LY6E: variants seen among roughly 807,000 people sequenced by gnomAD.
The protein encoded by LY6E is lymphocyte antigen 6 family member E.
A neutral mutation model predicts 7.7 loss-of-function variants in LY6E; 4 were observed. That is an observed-to-expected ratio of 0.52 (90% CI 0.25 to 1.18). The LOEUF is 1.18. Ranked by LOEUF, LY6E falls within the 50% of genes most tolerant of loss-of-function variation. LY6E has a pLI of 0.14. For missense variants in LY6E, 156 were observed against 168.0 expected (o/e 0.93, Z 0.40); for synonymous variants, 81 against 80.1 (o/e 1.01, Z -0.06).
Position 143,021,315 on chromosome 8 carries a change from C to T in LY6E, c.54C>T (p.Ala18=), listed in dbSNP as rs1424934089. The T allele has an allele frequency of 6.2e-7, 1 of 1,613,274 alleles. No individual in the cohort carries two copies. Among genetic ancestry groups the T allele is most frequent in the Non-Finnish European group, 8.5e-7 (1 of 1,179,866 alleles). The part of the protein sequence containing the change: ...LLAALLGVER[A]SSLMCFSCLN... ...GACAGGTGTGTCCTCCTTCCGCAGC[C>T]AGCTCGCTGATGTGCTTCTCCTGCT... Residue 18 remains alanine (A), a splice_region_variant and synonymous_variant, in exon 3 of 4, where the codon GCC becomes GCT. Coordinates refer to ENST00000292494, the MANE Select transcript of LY6E (RefSeq NM_002346.3).
At position 143,021,812 on chromosome 8, in the gene LY6E, T is replaced by TC. The variant is rs900668174; in HGVS notation, c.*28dup. The TC allele has an allele frequency of 1.3e-6, 2 of 1,569,950 alleles. No homozygotes were observed. Among genetic ancestry groups the TC allele is most frequent in the African/African-American group, 2.7e-5 (2 of 74,158 alleles). On this transcript the variant is annotated 3_prime_UTR_variant, in exon 4 of 4. Coordinates refer to ENST00000292494, the MANE Select transcript of LY6E (RefSeq NM_002346.3). ...TGACCGCCCAGACCCTGTCCCCCGA[T>TC]CCCCCAGCTCAGGAAGGAAAGCCCA...
In LY6E at chr8:143,020,926, C is replaced by A; in HGVS notation, c.-14C>A. On this transcript the variant is annotated 5_prime_UTR_variant, in exon 2 of 4. Coordinates refer to ENST00000292494, the MANE Select transcript of LY6E (RefSeq NM_002346.3). Reference sequence around the variant, plus strand: ...GGTTTGTGACCTCCAGGCAGGACGGCCATCCTCTCCAGAATGAAGATCTTC... The same window carrying A: ...GGTTTGTGACCTCCAGGCAGGACGGACATCCTCTCCAGAATGAAGATCTTC... The A allele has an allele frequency of 2.5e-6, 4 of 1,613,564 alleles. No homozygotes were observed. Among genetic ancestry groups the A allele is most frequent in the Non-Finnish European group, 3.4e-6 (4 of 1,179,728 alleles).
Position 143,021,552 on chromosome 8 carries a change from C to A in LY6E, c.173-14C>A, listed in dbSNP as rs200177123. On this transcript the variant is annotated splice_polypyrimidine_tract_variant and intron_variant, in intron 3 of 3. Coordinates refer to ENST00000292494, the MANE Select transcript of LY6E (RefSeq NM_002346.3). ...CCGTCTGTCTCTCCCCTGACAGCCT[C>A]ATTTCCCATGCAGGGAATCTCGTGA... 5.0e-6 allele frequency: 8 copies of A among 1,613,356 alleles called. No homozygotes were observed. The East Asian group carries it at 1.6e-4, about 31-fold the overall frequency.
chr8:143,021,572 T>C lies in LY6E; in HGVS notation c.179T>C (p.Leu60Pro). ...TVSASAGIGN[L>P]VTFGHSLSKT... ...AGCCTCATTTCCCATGCAGGGAATC[T>C]CGTGACATTTGGCCACAGCCTGAGC... Residue 60 changes from leucine (L) to proline (P), a missense_variant, in exon 4 of 4, where the codon CTC becomes CCC. Physicochemically the swap from Leu to Pro is moderately conservative, Grantham distance 98 (BLOSUM62 -3). Transcript: ENST00000292494. The C allele has an allele frequency of 6.2e-7, 1 of 1,613,928 alleles. No homozygotes were observed. Among genetic ancestry groups the C allele is most frequent in the South Asian group, 1.1e-5 (1 of 91,086 alleles).
At chr8:143,021,188 A>T in intron 2 of LY6E, 126 bp from the exon 3 acceptor site, 1 of 1,382,932 alleles carries the variant, frequency 7.2e-7, no homozygotes, top group African/African-American at 1.4e-5. Context: ...GTGGGGTGTC[A>T]CTGTCTTTGC....
chr8:143,019,533 G>C (rs1285236040), intron 1 of LY6E, among the ~76,000 whole-genome samples: 1 of 152,198 alleles, frequency 6.6e-6, no homozygotes, highest in African/African-American at 2.4e-5. Flanking sequence ...GGGGGTGGGG[G>C]GAAAAGGAAT....
chr8:143,021,850 TC>T lies in LY6E; in HGVS notation c.*64del. The T allele has an allele frequency of 6.8e-7, 1 of 1,469,988 alleles. No individual in the cohort carries two copies. 91.1% of individuals were successfully genotyped at this position (1,469,988 alleles called of 1,614,324 possible). On this transcript the variant is annotated 3_prime_UTR_variant, in exon 4 of 4. Coordinates refer to ENST00000292494, the MANE Select transcript of LY6E (RefSeq NM_002346.3). ...GAAGGAAAGCCCAGCCCTTTCTGGA[TC>T]CCACAGTGTATGGGAGCCCCTGACT...
In LY6E at chr8:143,020,877, C is replaced by T; in HGVS notation, c.-57-6C>T. On this transcript the variant is annotated splice_polypyrimidine_tract_variant and splice_region_variant and intron_variant, in intron 1 of 3. Coordinates refer to ENST00000292494, the MANE Select transcript of LY6E (RefSeq NM_002346.3). ...ACCCGGCCCCCTAACCAGTGTGTCT[C>T]TCCAGAGCAGGACAGGCTGCTTTGG... The T allele has an allele frequency of 6.6e-7, 1 of 1,525,800 alleles. No homozygotes were observed. Among genetic ancestry groups the T allele is most frequent in the Non-Finnish European group, 9.1e-7 (1 of 1,104,364 alleles). The allele number at this position is 1,525,800 out of a possible 1,614,324, so 94.5% of individuals were successfully genotyped here. A position where few individuals can be genotyped will look rare whatever the true frequency, so the allele number is the denominator to read the frequency against.
chr8:143,019,207 G>C (rs1192392341), intron 1 of LY6E: 1 of 152,426 alleles, frequency 6.6e-6, no homozygotes, highest in South Asian at 2.1e-4. Flanking sequence ...CCCCTTGCTG[G>C]CTGGGCAGCC....
chr8:143,019,755 G>A (rs910928813), intron 1 of LY6E, among the ~76,000 whole-genome samples: 1 of 152,196 alleles, frequency 6.6e-6, no homozygotes, highest in Admixed American at 6.5e-5. Context: ...CCAGTGCCCA[G>A]CACTAGCTCC....
intron 2 of LY6E, 59 bp downstream of exon 2, chr8:143,021,050 T>C: frequency 1.9e-6 from 3 of 1,577,374 alleles, no homozygotes; most frequent in Non-Finnish European, 1.7e-6. Flanking sequence ...CCACTCCCTC[T>C]CCACCCCTCT....
At position 143,022,232 on chromosome 8, in the gene LY6E, T is replaced by G. The variant is rs576592915; in HGVS notation, c.*443T>G. The G allele has an allele frequency of 1.0e-5, 2 of 193,264 alleles. No homozygotes were observed. The highest frequency in any genetic ancestry group is 4.7e-5 in the African/African-American group (2 of 42,760). 12.0% of individuals were successfully genotyped at this position (193,264 alleles called of 1,614,324 possible). ...CAGCAGCCTGGAGAGCCTCAGTCCC[T>G]GTAGCCCCCTGCCCTGGCACAGCTG... On this transcript the variant is annotated 3_prime_UTR_variant, in exon 4 of 4. Transcript: ENST00000292494.
At chr8:143,021,218 C>G in intron 2 of LY6E, 96 bp from the exon 3 acceptor site, 1 of 1,521,954 alleles carries the variant, frequency 6.6e-7, no homozygotes, top group East Asian at 2.3e-5. Context: ...AGCCCAGGGC[C>G]TGGTATACAG....
At chr8:143,021,281 C>A in intron 2 of LY6E, 33 bp from the exon 3 acceptor site, 1 of 1,606,038 alleles carries the variant, frequency 6.2e-7, no homozygotes. Context: ...ACACTGGAGG[C>A]TTCCCTGAGA....
Position 143,021,894 on chromosome 8 carries a change from G to A in LY6E, c.*105G>A. Reference sequence around the variant, plus strand: ...CCCTGACTCCTCACGTGCCTGATCTGTGCCCTTGGTCCCAGGTCAGGCCCA... The same window carrying A: ...CCCTGACTCCTCACGTGCCTGATCTATGCCCTTGGTCCCAGGTCAGGCCCA... On this transcript the variant is annotated 3_prime_UTR_variant, in exon 4 of 4. Coordinates refer to ENST00000292494, the MANE Select transcript of LY6E (RefSeq NM_002346.3). 9.3e-7 allele frequency: 1 copy of A among 1,080,044 alleles called. No individual in the cohort carries two copies. Among genetic ancestry groups the A allele is most frequent in the Non-Finnish European group, 1.3e-6 (1 of 767,930 alleles). The allele number at this position is 1,080,044 out of a possible 1,614,324, so 66.9% of individuals were successfully genotyped here.
In LY6E at chr8:143,021,663, C is replaced by G. The variant is rs1586615387; in HGVS notation, c.270C>G (p.Ile90Met). ...ATGTTGGTGTGGCTTCCATGGGCATCAGCTGCTGCCAGAGCTTTCTGTGCA... is the reference window on the plus strand; with the variant it reads ...ATGTTGGTGTGGCTTCCATGGGCATGAGCTGCTGCCAGAGCTTTCTGTGCA... ...GVNVGVASMG[I>M]SCCQSFLCNF... Residue 90 changes from isoleucine to methionine, a missense_variant, in exon 4 of 4, where the codon ATC (isoleucine) becomes ATG (methionine). Ile to Met is a conservative substitution (Grantham distance 10). Transcript: ENST00000292494. 1 of 1,613,832 alleles carries G rather than the reference C, an allele frequency of 6.2e-7. No individual in the cohort carries two copies. Among genetic ancestry groups the G allele is most frequent in the African/African-American group, 1.3e-5 (1 of 75,056 alleles).
At position 143,020,378 on chromosome 8, in the gene LY6E, G is replaced by T. The variant is rs117064393; in HGVS notation, c.-57-505G>T. The T allele has an allele frequency of 4.3e-4, 67 of 154,610 alleles. No homozygotes were observed. The East Asian group carries it at 0.012, about 29-fold the overall frequency. 9.6% of individuals were successfully genotyped at this position (154,610 alleles called of 1,614,324 possible). On this transcript the variant is annotated intron_variant, in intron 1 of 3. Coordinates refer to ENST00000292494, the MANE Select transcript of LY6E (RefSeq NM_002346.3). ...CAGCCTCCCAAGTAGCTGACCACAG[G>T]CACGTACCACGCCCGGCTAATTTTT...
chr8:143,019,375 G>A (rs1266452896), intron 1 of LY6E, among the ~76,000 whole-genome samples: 5 of 152,348 alleles, frequency 3.3e-5, no homozygotes, highest in East Asian at 1.9e-4. Context: ...GGCTCCCACC[G>A]GTGCCTTAGC....
At position 143,018,887 on chromosome 8, in the gene LY6E, A is replaced by T. The variant is rs1224912827; in HGVS notation, c.-58+301A>T. The T allele has an allele frequency of 3.3e-5, 5 of 152,200 alleles. No individual in the cohort carries two copies. In the South Asian group the frequency reaches 6.2e-4, roughly 19 times the overall value. 9.4% of individuals were successfully genotyped at this position (152,200 alleles called of 1,614,324 possible). A position where few individuals can be genotyped will look rare whatever the true frequency, so the allele number is the denominator to read the frequency against. On this transcript the variant is annotated intron_variant, in intron 1 of 3. Coordinates refer to ENST00000292494, the MANE Select transcript of LY6E (RefSeq NM_002346.3). ...GCGGGAGCGGGCGGAGACTGCCGCC[A>T]GGAGCCTCCCGGCCGCCCCAGGGCT...
Sources: allele counts gnomAD v4.1 joint callset (sites outside exome capture counted in the v4.1 genomes callset), GRCh38; gene constraint gnomAD v4.1.1; transcripts MANE v1.5; gene names NCBI Gene and HGNC (gene_info 2026-07-23, HGNC 2026-07-21).